The following TBC1D2 variants were observed in gnomAD, a reference collection of about 807,000 sequenced individuals.
TBC1D2 encodes TBC1 domain family member 2A.
Under a neutral mutation model 91.1 loss-of-function variants are expected in TBC1D2, and 58 were observed. That is an observed-to-expected ratio of 0.64 (90% CI 0.52 to 0.79). The LOEUF (loss-of-function observed/expected upper bound fraction) is 0.79. Ranked by LOEUF, TBC1D2 falls within the 30% of genes least tolerant of loss-of-function variation. The pLI is 0.00. For missense variants in TBC1D2, 1,080 were observed against 1,208.3 expected (o/e 0.89, Z 1.57); for synonymous variants, 482 against 511.5 (o/e 0.94, Z 0.78).
At chr9:98,242,386 A>G (rs904001435) in intron 3 of TBC1D2, among the ~76,000 whole-genome samples, 7 of 150,532 alleles carry the variant, frequency 4.7e-5, no homozygotes, top group African/African-American at 1.7e-4. Context: ...GGTTGCAGCG[A>G]GCTGAGATCG....
chr9:98,232,340 C>CTTTTTTTTTTTTTTT (rs1554754378), intron 4 of TBC1D2, among the ~76,000 whole-genome samples: 18 of 52,054 alleles, frequency 3.5e-4, no homozygotes, highest in African/African-American at 2.7e-3. Flanking sequence ...TTCTCTTTTT[C>CTTTTTTTTTTTTTTT]TGTTTTTTTT....
intron 5 of TBC1D2, among the ~76,000 whole-genome samples, chr9:98,223,560 C>A (rs1829150483): frequency 6.6e-6 from 1 of 152,166 alleles, no homozygotes; most frequent in African/African-American, 2.4e-5. Flanking sequence ...GGATGACTGC[C>A]CAGGGAAATA....
At chr9:98,200,149 G>A (rs1828446955) in intron 12 of TBC1D2, 104 bp downstream of exon 12, 1 of 1,487,606 alleles carries the variant, frequency 6.7e-7, no homozygotes, top group Non-Finnish European at 9.2e-7. Context: ...ACGAGCATCA[G>A]CGTCACTTAC....
At chr9:98,231,391 T>C (rs10985545) in intron 4 of TBC1D2, among the ~76,000 whole-genome samples, 11,577 of 151,020 alleles carry the variant, frequency 0.077, 561 homozygotes, top group Middle Eastern at 0.1. Flanking sequence ...TTAGAAAAGA[T>C]TTATTGACAT....
intron 2 of TBC1D2, among the ~76,000 whole-genome samples, chr9:98,246,849 T>C (rs919295709): frequency 6.6e-6 from 1 of 150,722 alleles, no homozygotes; most frequent in East Asian, 2.0e-4. Context: ...GAAGATGGGG[T>C]GGGGAAGGCC....
At chr9:98,240,164 GTGGTGTGT>G (rs758428419) in intron 3 of TBC1D2, among the ~76,000 whole-genome samples, 2 of 119,264 alleles carry the variant, frequency 1.7e-5, no homozygotes, top group Non-Finnish European at 3.3e-5. Flanking sequence ...GTGTGTTTGT[GTGGTGTGT>G]GTGTGTGTGT....
intron 4 of TBC1D2, among the ~76,000 whole-genome samples, chr9:98,231,688 G>C (rs1196175328): frequency 6.6e-6 from 1 of 152,070 alleles, no homozygotes; most frequent in African/African-American, 2.4e-5. Flanking sequence ...ATTTTGTTCT[G>C]TCACTCACTC....
chr9:98,224,657 C>A (rs556463052), intron 5 of TBC1D2, among the ~76,000 whole-genome samples: 10 of 152,184 alleles, frequency 6.6e-5, no homozygotes, highest in African/African-American at 2.4e-4. Flanking sequence ...CATAAGTTGT[C>A]ACTTTATTTA....
At chr9:98,247,144 G>A (rs10818677) in intron 2 of TBC1D2, among the ~76,000 whole-genome samples, 20,521 of 151,588 alleles carry the variant, frequency 0.14, 1,711 homozygotes, top group Non-Finnish European at 0.18. Context: ...CCTGGCCAAC[G>A]TGGGGAAACC....
intron 6 of TBC1D2, among the ~76,000 whole-genome samples, chr9:98,218,836 G>A (rs1037976738): frequency 6.6e-5 from 10 of 152,144 alleles, no homozygotes; most frequent in Non-Finnish European, 1.2e-4. Flanking sequence ...GAACACAGGC[G>A]TGCGCCACCA....
At chr9:98,249,537 C>T (rs1353110511) in intron 2 of TBC1D2, among the ~76,000 whole-genome samples, 3 of 152,236 alleles carry the variant, frequency 2.0e-5, no homozygotes, top group African/African-American at 7.2e-5. Flanking sequence ...ATCTTTGCAG[C>T]AGCATCAACC....
At chr9:98,249,835 G>A (rs1233261951) in intron 2 of TBC1D2, among the ~76,000 whole-genome samples, 2 of 152,134 alleles carry the variant, frequency 1.3e-5, no homozygotes, top group African/African-American at 4.8e-5. Flanking sequence ...CTATGTGCCT[G>A]AGGTTATGCT....
chr9:98,255,173 C>T lies in TBC1D2; in HGVS notation c.369G>A (p.Lys123=), dbSNP rs761692001. The T allele has an allele frequency of 2.5e-6, 4 of 1,601,306 alleles. No individual in the cohort carries two copies. Among genetic ancestry groups the T allele is most frequent in the Middle Eastern group, 1.7e-4 (1 of 6,000 alleles). The change falls in exon 1 of 13, where the codon AAG becomes AAA. Residue 123 remains lysine (K), a splice_region_variant and synonymous_variant. Transcript: ENST00000465784. Reference sequence around the variant, plus strand: ...GGAGAAAGTCGTTGCAGGAATTTACCTTCAGGGTAATAACCCGGCTGGGAG... The same window carrying T: ...GGAGAAAGTCGTTGCAGGAATTTACTTTCAGGGTAATAACCCGGCTGGGAG... ...IKTPSRVITL[K]AATKQAMLYW...
At chr9:98,207,850 G>C (rs1463641696) in intron 9 of TBC1D2, among the ~76,000 whole-genome samples, 1 of 152,160 alleles carries the variant, frequency 6.6e-6, no homozygotes, top group African/African-American at 2.4e-5. Flanking sequence ...TGGCATGAAG[G>C]CTGCCCCCTG....
intron 5 of TBC1D2, among the ~76,000 whole-genome samples, chr9:98,221,709 TCGTTTTGGGCC>T (rs1829106675): frequency 6.6e-6 from 1 of 152,056 alleles, no homozygotes; most frequent in Non-Finnish European, 1.5e-5. Context: ...AACCTCTCAC[TCGTTTTGGGCC>T]ACAGTGCTTT....
intron 5 of TBC1D2, among the ~76,000 whole-genome samples, chr9:98,223,898 C>A (rs1829158134): frequency 6.6e-6 from 1 of 152,144 alleles, no homozygotes; most frequent in Non-Finnish European, 1.5e-5. Context: ...GTCTTAGGAC[C>A]AATTCTTAAA....
rs537653637 is a variant in TBC1D2 at position 98,238,788 on chromosome 9, G to T, written c.647+5206C>A. 4.1e-4 allele frequency among the ~76,000 whole-genome samples: 49 copies of T among 120,942 alleles called. 16 individuals are homozygous for T. The highest frequency in any genetic ancestry group is 2.8e-3 in the African/African-American group (49 of 17,492). The allele number at this position is 120,942 out of a possible 152,430, so 79.3% of individuals were successfully genotyped here. ...CGGAGCTGCTCTGTCGCCCAGGCTG[G>T]AGTGTAGTGGTACAACCTCCGCCTC... On this transcript the variant is annotated intron_variant, in intron 3 of 12. Transcript: ENST00000465784.
At chr9:98,213,521 G>A in intron 6 of TBC1D2, 1 of 746,888 alleles carries the variant, frequency 1.3e-6, no homozygotes, top group Non-Finnish European at 1.8e-6. Flanking sequence ...CTGTAAAAGG[G>A]GCAAATACCA....
At position 98,199,547 on chromosome 9, in the gene TBC1D2, C is replaced by G. The variant is rs769298700; in HGVS notation, c.2621G>C (p.Arg874Pro). Residue 874 changes from arginine (R) to proline (P), a missense_variant, in exon 13 of 13, where the codon CGC (arginine) becomes CCC (proline). Physicochemically the swap from Arg to Pro is moderately radical, Grantham distance 103. Transcript: ENST00000465784. ...GCGCAGCTGCCGCAGCTGTTTCATG[C>G]GGAAGGGGTTCATGTCATTGAAGGC... ...NIAFNDMNPF[R>P]MKQLRQLRMV... 1 of 1,614,122 alleles carries G rather than the reference C, an allele frequency of 6.2e-7. No homozygotes were observed. Among genetic ancestry groups the G allele is most frequent in the Non-Finnish European group, 8.5e-7 (1 of 1,180,050 alleles).
Sources: allele counts gnomAD v4.1 joint callset (sites outside exome capture counted in the v4.1 genomes callset), GRCh38; gene constraint gnomAD v4.1.1; transcripts MANE v1.5; gene names NCBI Gene and HGNC (gene_info 2026-07-23, HGNC 2026-07-21).